Variants in EEPD1 observed in about 807,000 individuals in gnomAD.
EEPD1 encodes endonuclease/exonuclease/phosphatase family domain-containing protein 1.
A neutral mutation model predicts 46.3 loss-of-function variants in EEPD1; 17 were observed. That is an observed-to-expected ratio of 0.37 (90% CI 0.25 to 0.55). EEPD1 has a LOEUF of 0.55. EEPD1 is among the 20% of genes least tolerant of loss of function. The pLI is 0.83. For missense variants in EEPD1, 673 were observed against 745.6 expected, an observed-to-expected ratio of 0.90 and a Z score of 1.13; for synonymous variants, 313 against 315.6, an observed-to-expected ratio of 0.99 and a Z score of 0.09.
intron 3 of EEPD1, among the ~76,000 whole-genome samples, chr7:36,277,546 G>A (rs1787200486): frequency 6.6e-6 from 1 of 152,196 alleles, no homozygotes; most frequent in African/African-American, 2.4e-5. Flanking sequence ...GCTCCCAAGT[G>A]AGGTTGATGT....
intron 6 of EEPD1, among the ~76,000 whole-genome samples, chr7:36,296,489 G>A (rs1054720983): frequency 6.6e-6 from 1 of 152,040 alleles, no homozygotes. Flanking sequence ...TGTCTCCTCC[G>A]GGAAGCCTTC....
chr7:36,197,389 G>A (rs1187959124), intron 2 of EEPD1, among the ~76,000 whole-genome samples: 10 of 152,034 alleles, frequency 6.6e-5, no homozygotes, highest in Non-Finnish European at 1.2e-4. Flanking sequence ...CCCTCTGCCC[G>A]GCCACCACCC....
chr7:36,287,761 A>C lies in EEPD1; in HGVS notation c.1299A>C (p.Leu433=). Residue 433 remains leucine, a synonymous_variant, in exon 6 of 8, where the codon CTA becomes CTC. Coordinates refer to ENST00000242108, the MANE Select transcript of EEPD1 (RefSeq NM_030636.3). ...GHRLASFAQT[L]QETLKGEKDV... ...GGTTGGCGAGCTTTGCACAGACCCT[A>C]CAGGAAACCCTGAAAGGTAGGACAT... is the stretch of plus-strand genomic sequence containing the variant. The C allele has an allele frequency of 6.2e-7, 1 of 1,613,912 alleles. No individual in the cohort carries two copies. Among genetic ancestry groups the C allele is most frequent in the South Asian group, 1.1e-5 (1 of 91,068 alleles).
At chr7:36,254,589 C>T (rs1413590652) in intron 3 of EEPD1, among the ~76,000 whole-genome samples, 2 of 152,060 alleles carry the variant, frequency 1.3e-5, no homozygotes, top group East Asian at 3.8e-4. Flanking sequence ...AATAAATATA[C>T]GTGTGCATGT....
At chr7:36,207,791 C>G (rs1053860142) in intron 2 of EEPD1, among the ~76,000 whole-genome samples, 2 of 151,706 alleles carry the variant, frequency 1.3e-5, no homozygotes, top group African/African-American at 4.8e-5. Context: ...AGTGTTTCTA[C>G]TTTAGTAATC....
At chr7:36,185,665 C>T (rs200255831) in intron 2 of EEPD1, among the ~76,000 whole-genome samples, 12,403 of 152,184 alleles carry the variant, frequency 0.082, 753 homozygotes, top group East Asian at 0.16. Context: ...TAGGAAGATG[C>T]TGCCCTTTCC....
At chr7:36,200,830 A>G (rs1392294244) in intron 2 of EEPD1, among the ~76,000 whole-genome samples, 1 of 152,178 alleles carries the variant, frequency 6.6e-6, no homozygotes, top group African/African-American at 2.4e-5. Flanking sequence ...GTAGCTCTCA[A>G]ACATGAGCAT....
At chr7:36,209,866 C>T (rs1785894107) in intron 2 of EEPD1, among the ~76,000 whole-genome samples, 1 of 152,196 alleles carries the variant, frequency 6.6e-6, no homozygotes, top group Non-Finnish European at 1.5e-5. Context: ...CCACCTCCAA[C>T]ATTAGGGATC....
chr7:36,165,058 ATTTAG>A (rs1784960574), intron 2 of EEPD1, among the ~76,000 whole-genome samples: 1 of 71,354 alleles, frequency 1.4e-5, no homozygotes, highest in Non-Finnish European at 3.0e-5. Flanking sequence ...AAAACTTTTA[ATTTAG>A]TGTAGCCTAA....
intron 3 of EEPD1, among the ~76,000 whole-genome samples, chr7:36,258,533 A>G (rs999206898): frequency 3.3e-5 from 5 of 152,122 alleles, no homozygotes; most frequent in Non-Finnish European, 5.9e-5. Flanking sequence ...CCCTGAGAGG[A>G]GGAATCTAGA....
chr7:36,290,913 G>A (rs1382501786), intron 6 of EEPD1, among the ~76,000 whole-genome samples: 8 of 152,240 alleles, frequency 5.3e-5, no homozygotes, highest in Non-Finnish European at 1.2e-4. Flanking sequence ...TCAGGCTCCT[G>A]CGCATCTACC....
chr7:36,217,416 G>A (rs952788195), intron 2 of EEPD1, among the ~76,000 whole-genome samples: 2 of 152,182 alleles, frequency 1.3e-5, no homozygotes, highest in Non-Finnish European at 2.9e-5. Context: ...GATGACCCGC[G>A]GTCACTTTCA....
intron 2 of EEPD1, among the ~76,000 whole-genome samples, chr7:36,212,882 G>A (rs557982148): frequency 6.6e-6 from 1 of 152,236 alleles, no homozygotes; most frequent in African/African-American, 2.4e-5. Context: ...GCCGGGTGAG[G>A]TGGCTCACGC....
chr7:36,264,730 T>G (rs547767909), intron 3 of EEPD1, among the ~76,000 whole-genome samples: 18 of 152,304 alleles, frequency 1.2e-4, no homozygotes, highest in Admixed American at 1.0e-3. Context: ...TTTTTCTTCT[T>G]TTAAGAGCTT....
At chr7:36,294,478 A>G (rs545774350) in intron 6 of EEPD1, among the ~76,000 whole-genome samples, 4 of 152,342 alleles carry the variant, frequency 2.6e-5, no homozygotes, top group South Asian at 2.1e-4. Flanking sequence ...GGCAAGCTAA[A>G]GAGTGAAATG....
chr7:36,204,817 TG>T (rs757146765), intron 2 of EEPD1, among the ~76,000 whole-genome samples: 55 of 149,272 alleles, frequency 3.7e-4, no homozygotes, highest in Non-Finnish European at 6.4e-4. Context: ...TTTGTTTGTT[TG>T]TTTTTTAAAA....
chr7:36,212,804 A>G (rs549430646), intron 2 of EEPD1, among the ~76,000 whole-genome samples: 45 of 152,258 alleles, frequency 3.0e-4, no homozygotes, highest in African/African-American at 9.1e-4. Flanking sequence ...GTATTTTCAA[A>G]ATTTCCTATA....
chr7:36,263,115 G>C (rs1181078649), intron 3 of EEPD1, among the ~76,000 whole-genome samples: 1 of 152,132 alleles, frequency 6.6e-6, no homozygotes, highest in Non-Finnish European at 1.5e-5. Context: ...AGGATTGCTT[G>C]AGCTCAGGAG....
At position 36,299,394 on chromosome 7, in the gene EEPD1, G is replaced by T; in HGVS notation, c.*188G>T. 1 of 708,912 alleles carries T rather than the reference G, an allele frequency of 1.4e-6. No homozygotes were observed. The highest frequency in any genetic ancestry group is 2.3e-6 in the Non-Finnish European group (1 of 437,776). 43.9% of individuals were successfully genotyped at this position (708,912 alleles called of 1,614,324 possible). On this transcript the variant is annotated 3_prime_UTR_variant, in exon 8 of 8. Transcript: ENST00000242108. ...CTCCAGTGGGGGTGGCGTGCCAGGC[G>T]CGTACCCCACCAGGTGGGCAAAGCA...
Sources: allele counts gnomAD v4.1 joint callset (sites outside exome capture counted in the v4.1 genomes callset), GRCh38; gene constraint gnomAD v4.1.1; transcripts MANE v1.5; gene names NCBI Gene and HGNC (gene_info 2026-07-23, HGNC 2026-07-21).